ADD3: variants seen among roughly 807,000 people sequenced by gnomAD.
The protein encoded by ADD3 is gamma-adducin.
A neutral mutation model predicts 80.2 loss-of-function variants in ADD3; 25 were observed. The observed-to-expected ratio is 0.31, with a 90% CI of 0.23 to 0.44. The LOEUF is 0.44. Ranked by LOEUF, ADD3 falls within the 20% of genes least tolerant of loss-of-function variation. The pLI is 1.00. For synonymous variants in ADD3, 284 were observed against 289.6 expected, an observed-to-expected ratio of 0.98 and a Z score of 0.20; for missense variants, 829 against 847.5, an observed-to-expected ratio of 0.98 and a Z score of 0.27.
chr10:110,111,867 C>T (rs1244139547), intron 2 of ADD3, among the ~76,000 whole-genome samples: 1 of 151,496 alleles, frequency 6.6e-6, no homozygotes, highest in African/African-American at 2.4e-5. Context: ...GAGTTGAGAT[C>T]GCGCCGTTGC....
chr10:110,035,466 G>A (rs929605081), intron 1 of ADD3, among the ~76,000 whole-genome samples: 5 of 152,178 alleles, frequency 3.3e-5, no homozygotes, highest in Non-Finnish European at 5.9e-5. Context: ...ATCAGGAAGC[G>A]AAGCAACTTC....
chr10:110,031,986 A>C (rs549000004), intron 1 of ADD3, among the ~76,000 whole-genome samples: 1 of 152,088 alleles, frequency 6.6e-6, no homozygotes, highest in East Asian at 1.9e-4. Flanking sequence ...CAGCCAGTTG[A>C]ACGGTATAGA....
intron 1 of ADD3, among the ~76,000 whole-genome samples, chr10:110,018,299 G>C (rs1853236594): frequency 6.6e-6 from 1 of 151,852 alleles, no homozygotes; most frequent in African/African-American, 2.4e-5. Context: ...AGGCTGAGGT[G>C]GGTGGATTGC....
intron 1 of ADD3, among the ~76,000 whole-genome samples, chr10:110,091,790 A>G (rs1011526152): frequency 2.6e-5 from 4 of 152,244 alleles, no homozygotes; most frequent in Admixed American, 1.3e-4. Context: ...AAAAGAAACT[A>G]TCAACGTAGA....
intron 1 of ADD3, among the ~76,000 whole-genome samples, chr10:110,084,350 C>T (rs1846438137): frequency 6.6e-6 from 1 of 152,178 alleles, no homozygotes; most frequent in Non-Finnish European, 1.5e-5. Flanking sequence ...TAACATGAGG[C>T]ATTACCTGGC....
At position 110,132,924 on chromosome 10, in the gene ADD3, C is replaced by CAAA. The variant is rs60435351; in HGVS notation, c.1829-382_1829-380dup. Among the ~76,000 whole-genome samples the CAAA allele has an allele frequency of 2.6e-3, 172 of 65,884 alleles. 2 individuals are homozygous for CAAA. Among genetic ancestry groups the CAAA allele is most frequent in the Middle Eastern group, 7.1e-3 (1 of 140 alleles). 43.2% of individuals were successfully genotyped at this position (65,884 alleles called of 152,430 possible). Reference sequence around the variant, plus strand: ...TGGGCGACAGAGTGAGACTCCGCCTCAAAAAAAAAAAAAAAAAAAAAAGAA... The same window carrying CAAA: ...TGGGCGACAGAGTGAGACTCCGCCTCAAAAAAAAAAAAAAAAAAAAAAAAAGAA... On this transcript the variant is annotated intron_variant, in intron 14 of 14. Coordinates refer to ENST00000356080, the MANE Select transcript of ADD3 (RefSeq NM_016824.5).
At chr10:110,130,313 T>A (rs748692770) in intron 12 of ADD3, 50 bp from the exon 13 acceptor site, 2 of 1,582,346 alleles carry the variant, frequency 1.3e-6, no homozygotes, top group South Asian at 2.2e-5. Context: ...TGGATAGATA[T>A]ATAAGTAAAA....
chr10:110,082,957 C>T (rs192854240), intron 1 of ADD3, among the ~76,000 whole-genome samples: 1 of 152,250 alleles, frequency 6.6e-6, no homozygotes, highest in East Asian at 1.9e-4. Context: ...GCTCTAGAAT[C>T]CCTGTCCTGG....
chr10:110,080,677 T>C (rs1590030813), intron 1 of ADD3, among the ~76,000 whole-genome samples: 1 of 152,226 alleles, frequency 6.6e-6, no homozygotes, highest in East Asian at 1.9e-4. Context: ...AATTTTTCAG[T>C]GAGTCCGACC....
chr10:110,096,675 G>T (rs1848205326), intron 1 of ADD3, among the ~76,000 whole-genome samples: 4 of 152,080 alleles, frequency 2.6e-5, no homozygotes, highest in African/African-American at 9.7e-5. Flanking sequence ...TCTTCATGGT[G>T]TGGCAGCTGC....
At chr10:110,002,406 T>C (rs973459016), upstream of ADD3, among the ~76,000 whole-genome samples, 2 of 151,962 alleles carry the variant, frequency 1.3e-5, no homozygotes, top group African/African-American at 2.4e-5. Flanking sequence ...CCTGAGTAGC[T>C]GGGAACACAG....
At chr10:110,002,103 C>T (rs1429475968), upstream of ADD3, among the ~76,000 whole-genome samples, 2 of 151,946 alleles carry the variant, frequency 1.3e-5, no homozygotes, top group Non-Finnish European at 2.9e-5. Flanking sequence ...GACCATCTGG[C>T]CAACATGGTG....
intron 1 of ADD3, among the ~76,000 whole-genome samples, chr10:110,091,947 C>G (rs950462272): frequency 1.3e-5 from 2 of 152,152 alleles, no homozygotes; most frequent in African/African-American, 2.4e-5. Context: ...ATCCACTTCT[C>G]AGAAGACATA....
At chr10:110,001,012 G>C (rs1851473890), upstream of ADD3, among the ~76,000 whole-genome samples, 2 of 152,184 alleles carry the variant, frequency 1.3e-5, no homozygotes, top group Non-Finnish European at 2.9e-5. Context: ...CACAGAGTGA[G>C]AGAATAAACA....
chr10:110,001,876 C>T (rs1398047674), upstream of ADD3, among the ~76,000 whole-genome samples: 1 of 152,156 alleles, frequency 6.6e-6, no homozygotes, highest in Admixed American at 6.5e-5. Flanking sequence ...ACTAGAGATT[C>T]GTAGCTGAAG....
At chr10:110,002,824 T>G (rs1851512063), upstream of ADD3, among the ~76,000 whole-genome samples, 1 of 152,204 alleles carries the variant, frequency 6.6e-6, no homozygotes, top group Non-Finnish European at 1.5e-5. Context: ...TGTATAAAGA[T>G]CTTTCAGATA....
chr10:110,060,699 T>C (rs1395724377), intron 1 of ADD3, among the ~76,000 whole-genome samples: 1 of 152,228 alleles, frequency 6.6e-6, no homozygotes, highest in Non-Finnish European at 1.5e-5. Context: ...AATATGCTAG[T>C]AGATTGTGTC....
intron 1 of ADD3, among the ~76,000 whole-genome samples, chr10:110,063,761 A>AT (rs1482183560): frequency 2.8e-5 from 2 of 72,406 alleles, no homozygotes; most frequent in Non-Finnish European, 6.2e-5. Flanking sequence ...ATATATATAT[A>AT]TATATATATA....
intron 1 of ADD3, among the ~76,000 whole-genome samples, chr10:110,060,340 T>C (rs1379218888): frequency 6.6e-6 from 1 of 152,172 alleles, no homozygotes; most frequent in African/African-American, 2.4e-5. Flanking sequence ...AAGTACTAGG[T>C]TGTAGGCAGA....
Sources: gnomAD v4.1 joint callset for allele counts (sites outside exome capture counted in the v4.1 genomes callset) on GRCh38, gnomAD v4.1.1 for gene constraint, MANE v1.5 for transcripts, NCBI Gene and HGNC (gene_info 2026-07-23, HGNC 2026-07-21) for gene names.